Variants in DNASE1L3 observed in about 807,000 individuals in gnomAD.
The protein encoded by DNASE1L3 is deoxyribonuclease gamma.
In DNASE1L3, 27 loss-of-function variants were observed where a neutral mutation model predicts 30.9. The observed-to-expected ratio is 0.87, with a 90% CI of 0.64 to 1.20. The LOEUF (loss-of-function observed/expected upper bound fraction) is 1.20. Among genes scored for constraint, DNASE1L3 ranks in the 50% most tolerant of loss-of-function variants. The pLI, the probability that DNASE1L3 is intolerant of heterozygous loss-of-function variation, is 0.00. For missense variants in DNASE1L3, 364 were observed against 378.2 expected (o/e 0.96, Z 0.31); for synonymous variants, 135 against 138.0 (o/e 0.98, Z 0.15).
In DNASE1L3 at chr3:58,204,752, GC is replaced by G. The variant is rs750976841; in HGVS notation, c.433+16del. 4 of 1,607,354 alleles carry G rather than the reference GC, an allele frequency of 2.5e-6. No homozygotes were observed. In the South Asian group the frequency reaches 4.4e-5, roughly 18 times the overall value. On this transcript the variant is annotated intron_variant, in intron 4 of 7. Coordinates refer to ENST00000394549, the MANE Select transcript of DNASE1L3 (RefSeq NM_004944.4). Reference sequence around the variant, plus strand: ...CGTTGGGGAGGTCCCAGACAGAAAGGCCTGTGTGGGTCTTACCAGTGTGGGG... The same window carrying G: ...CGTTGGGGAGGTCCCAGACAGAAAGGCTGTGTGGGTCTTACCAGTGTGGGG...
In DNASE1L3 at chr3:58,193,404, A is replaced by G. The variant is rs545672132; in HGVS notation, c.740T>C (p.Val247Ala). 1 of 1,614,068 alleles carries G rather than the reference A, an allele frequency of 6.2e-7. No homozygotes were observed. Among genetic ancestry groups the G allele is most frequent in the African/African-American group, 1.3e-5 (1 of 75,044 alleles). The change falls in exon 7 of 8, where the codon GTT becomes GCT. Residue 247 changes from valine to alanine, a missense_variant. By Grantham distance (64) the Val-to-Ala change is moderately conservative. Transcript: ENST00000394549. ...AAAAACACTGTTTGACTTGGGAACA[A>G]CAGAACTGACGATTTCTTGTCCTCT... ...VLRGQEIVSSVVPKSNSVFDF... is the reference protein window; with the variant it reads ...VLRGQEIVSSAVPKSNSVFDF...
chr3:58,207,058 A>G (rs911725301), intron 2 of DNASE1L3, among the ~76,000 whole-genome samples: 6 of 152,112 alleles, frequency 3.9e-5, no homozygotes, highest in African/African-American at 1.4e-4. Context: ...CTTTTGTTCA[A>G]AAGTCCCTAT....
At chr3:58,210,035 G>A (rs190711376) in intron 1 of DNASE1L3, among the ~76,000 whole-genome samples, 2 of 152,062 alleles carry the variant, frequency 1.3e-5, no homozygotes, top group East Asian at 1.9e-4. Context: ...GGAAGGAGTG[G>A]GGAAGTAGAG....
At chr3:58,194,564 C>T (rs1417762689) in intron 6 of DNASE1L3, among the ~76,000 whole-genome samples, 1 of 151,128 alleles carries the variant, frequency 6.6e-6, no homozygotes, top group Non-Finnish European at 1.5e-5. Flanking sequence ...AGGTGATCCG[C>T]CCACCTCAAC....
chr3:58,210,608 G>C (rs570022924), intron 1 of DNASE1L3, among the ~76,000 whole-genome samples, 158 bp downstream of exon 1: 2 of 152,144 alleles, frequency 1.3e-5, no homozygotes, highest in East Asian at 1.9e-4. Flanking sequence ...TTAAGATGAC[G>C]GCAGGAGGTA....
chr3:58,198,685 A>G (rs2097398823), intron 5 of DNASE1L3, among the ~76,000 whole-genome samples: 1 of 152,204 alleles, frequency 6.6e-6, no homozygotes, highest in African/African-American at 2.4e-5. Flanking sequence ...CAGTGAATCT[A>G]TTCCCTCACA....
At chr3:58,204,726 C>G (rs774727313) in intron 4 of DNASE1L3, 43 bp downstream of exon 4, 2 of 1,566,588 alleles carry the variant, frequency 1.3e-6, no homozygotes, top group Non-Finnish European at 1.8e-6. Context: ...CATTCATGGG[C>G]CGTTGGGGAG....
At chr3:58,207,247 C>T (rs538081851) in intron 2 of DNASE1L3, among the ~76,000 whole-genome samples, 5 of 152,076 alleles carry the variant, frequency 3.3e-5, no homozygotes, top group African/African-American at 1.2e-4. Flanking sequence ...GGGTGTGTGA[C>T]TGTAATCCCA....
At chr3:58,195,824 T>G (rs372679759) in intron 6 of DNASE1L3, among the ~76,000 whole-genome samples, 1 of 152,140 alleles carries the variant, frequency 6.6e-6, no homozygotes, top group East Asian at 1.9e-4. Flanking sequence ...GTTATACATG[T>G]TGTTATGAGA....
intron 1 of DNASE1L3, 91 bp from the exon 2 acceptor site, chr3:58,208,397 AC>A: frequency 1.5e-6 from 2 of 1,302,636 alleles, no homozygotes; most frequent in Non-Finnish European, 2.2e-6. Flanking sequence ...TAAGTATTGC[AC>A]TGAGTGCTTA....
intron 1 of DNASE1L3, among the ~76,000 whole-genome samples, chr3:58,208,742 A>G (rs909246642): frequency 3.9e-5 from 6 of 152,244 alleles, no homozygotes; most frequent in African/African-American, 9.6e-5. Flanking sequence ...ATAATTATAA[A>G]AGCTGACATT....
intron 6 of DNASE1L3, among the ~76,000 whole-genome samples, chr3:58,194,040 A>T (rs2097395724): frequency 6.6e-6 from 1 of 152,250 alleles, no homozygotes; most frequent in Non-Finnish European, 1.5e-5. Context: ...TCAGCAAGAA[A>T]TTAAGCGATT....
Position 58,208,203 on chromosome 3 carries a change from C to G in DNASE1L3, c.230+15G>C. 1 of 1,613,614 alleles carries G rather than the reference C, an allele frequency of 6.2e-7. No homozygotes were observed. Among genetic ancestry groups the G allele is most frequent in the Non-Finnish European group, 8.5e-7 (1 of 1,179,582 alleles). On this transcript the variant is annotated intron_variant, in intron 2 of 7. Coordinates refer to ENST00000394549, the MANE Select transcript of DNASE1L3 (RefSeq NM_004944.4). ...TGACCTTGAGCCCTAGAGGGCCCAC[C>G]CTTCCCCATGTTACCTGTTCAGCTT...
At chr3:58,210,671 G>A (rs1575501520) in intron 1 of DNASE1L3, 95 bp downstream of exon 1, 2 of 1,575,196 alleles carry the variant, frequency 1.3e-6, no homozygotes, top group East Asian at 2.3e-5. Context: ...TCCCCCTAAG[G>A]GCCAACTTTA....
rs2097395054 is a variant in DNASE1L3, at chr3:58,192,883, A to G, written c.802-80T>C. 1 of 1,571,110 alleles carries G rather than the reference A, an allele frequency of 6.4e-7. No homozygotes were observed. The highest frequency in any genetic ancestry group is 2.2e-5 in the East Asian group (1 of 44,518). Reference sequence around the variant, plus strand: ...TTTCATTTTAGCGATGAGCAAATTTAGGACCAGGGAGGGGAGAGGAAATGC... The same window carrying G: ...TTTCATTTTAGCGATGAGCAAATTTGGGACCAGGGAGGGGAGAGGAAATGC... On this transcript the variant is annotated intron_variant, in intron 7 of 7. Coordinates refer to ENST00000394549, the MANE Select transcript of DNASE1L3 (RefSeq NM_004944.4). This position sits in a 1 kb window ranked among gnomAD's most constrained non-coding sequence, Gnocchi z 4.8.
intron 6 of DNASE1L3, among the ~76,000 whole-genome samples, chr3:58,193,779 T>A (rs545834510): frequency 4.6e-5 from 7 of 152,320 alleles, no homozygotes; most frequent in Non-Finnish European, 1.0e-4. Context: ...CAATTATTTT[T>A]CACTTTCCCT....
chr3:58,199,346 A>C (rs1299235506), intron 5 of DNASE1L3, among the ~76,000 whole-genome samples: 1 of 152,238 alleles, frequency 6.6e-6, no homozygotes. Flanking sequence ...TCTAGGCCAC[A>C]GGACTGGGAG....
intron 7 of DNASE1L3, chr3:58,193,094 TGAGACAGGA>T: frequency 7.5e-7 from 1 of 1,339,560 alleles, no homozygotes; most frequent in Non-Finnish European, 9.5e-7. Flanking sequence ...TTTTTTTTTT[TGAGACAGGA>T]TCTCACTCTG....
chr3:58,195,832 A>G (rs1188066594), intron 6 of DNASE1L3, among the ~76,000 whole-genome samples: 2 of 152,140 alleles, frequency 1.3e-5, no homozygotes, highest in Non-Finnish European at 2.9e-5. Context: ...TGTTGTTATG[A>G]GAAACAAAAT....
Sources: allele counts gnomAD v4.1 joint callset (sites outside exome capture counted in the v4.1 genomes callset), GRCh38; gene constraint gnomAD v4.1.1; non-coding constraint Gnocchi (gnomAD v3.1); transcripts MANE v1.5; gene names NCBI Gene and HGNC (gene_info 2026-07-23, HGNC 2026-07-21).